DIAPH3: variants seen among roughly 807,000 people sequenced by gnomAD.
The protein encoded by DIAPH3 is protein diaphanous homolog 3.
A neutral mutation model predicts 144.3 loss-of-function variants in DIAPH3; 117 were observed. That is an observed-to-expected ratio of 0.81 (90% CI 0.70 to 0.95). The LOEUF (loss-of-function observed/expected upper bound fraction) is 0.95, where lower values mean the gene tolerates loss of function less well. DIAPH3 is among the 40% of genes least tolerant of loss of function. DIAPH3 has a pLI of 0.00. For synonymous variants in DIAPH3, 519 were observed against 488.9 expected, an observed-to-expected ratio of 1.06 and a Z score of -0.81; for missense variants, 1,421 against 1,412.7, an observed-to-expected ratio of 1.01 and a Z score of -0.09.
chr13:59,800,232 C>T (rs1436237698), intron 25 of DIAPH3, among the ~76,000 whole-genome samples: 4 of 152,198 alleles, frequency 2.6e-5, no homozygotes, highest in Non-Finnish European at 5.9e-5. Context: ...TCCTCAGTTT[C>T]TAAGAATGGT....
chr13:60,025,004 C>T (rs1284171418), intron 5 of DIAPH3, among the ~76,000 whole-genome samples: 1 of 152,004 alleles, frequency 6.6e-6, no homozygotes, highest in Non-Finnish European at 1.5e-5. Flanking sequence ...GGACATAATG[C>T]CAGTGGGGAG....
intron 27 of DIAPH3, among the ~76,000 whole-genome samples, chr13:59,732,625 T>C (rs1404490877): frequency 6.6e-6 from 1 of 151,852 alleles, no homozygotes; most frequent in African/African-American, 2.4e-5. Context: ...GTATTTTTAG[T>C]AGATACAGGG....
At chr13:59,979,747 A>G (rs1335397655) in intron 14 of DIAPH3, among the ~76,000 whole-genome samples, 1 of 151,694 alleles carries the variant, frequency 6.6e-6, no homozygotes, top group Non-Finnish European at 1.5e-5. Flanking sequence ...AGTATCTGCT[A>G]CATCAAAAAC....
At chr13:60,105,103 A>AAAAAAAAAC (rs1378367010) in intron 3 of DIAPH3, among the ~76,000 whole-genome samples, 25,904 of 97,092 alleles carry the variant, frequency 0.27, 5,243 homozygotes, top group Admixed American at 0.34. Flanking sequence ...CGATCTCAAA[A>AAAAAAAAAC]AAAAAAAAAA....
rs987638079 is a variant in DIAPH3 at position 59,839,252 on chromosome 13, C to T, written c.2862+72G>A. The stretch of plus-strand genomic sequence containing the variant: ...AGAATGATCTCTGGTTACACAAAGA[C>T]ATCTAAAATATTAAATAAATTGTAT... On this transcript the variant is annotated intron_variant, in intron 23 of 27. Coordinates refer to ENST00000400324, the MANE Select transcript of DIAPH3 (RefSeq NM_001042517.2). The T allele has an allele frequency of 2.5e-6, 4 of 1,576,860 alleles. No individual in the cohort carries two copies. The African/African-American group carries it at 5.4e-5, about 21-fold the overall frequency.
At chr13:59,861,296 G>T in intron 22 of DIAPH3, 111 bp downstream of exon 22, 1 of 1,581,386 alleles carries the variant, frequency 6.3e-7, no homozygotes, top group Non-Finnish European at 8.6e-7. Context: ...GAGATATTGG[G>T]TATGAAAACA....
At chr13:59,796,760 TAAG>T (rs923858185) in intron 25 of DIAPH3, among the ~76,000 whole-genome samples, 1 of 152,192 alleles carries the variant, frequency 6.6e-6, no homozygotes, top group Admixed American at 6.5e-5. Context: ...CCATACTGTA[TAAG>T]AAGAGAGTCA....
At chr13:59,944,882 A>G (rs75678562) in intron 17 of DIAPH3, among the ~76,000 whole-genome samples, 5,554 of 152,118 alleles carry the variant, frequency 0.037, 132 homozygotes, top group East Asian at 0.075. Flanking sequence ...TGCCCTTAGT[A>G]ATCAATCTTT....
intron 17 of DIAPH3, among the ~76,000 whole-genome samples, chr13:59,943,327 T>C (rs1167776967): frequency 6.6e-6 from 1 of 152,188 alleles, no homozygotes; most frequent in Non-Finnish European, 1.5e-5. Context: ...TAGTGGTAGA[T>C]TCAAGACAAG....
chr13:60,091,651 A>T (rs967051522), intron 4 of DIAPH3, among the ~76,000 whole-genome samples: 2 of 152,150 alleles, frequency 1.3e-5, no homozygotes, highest in African/African-American at 4.8e-5. Context: ...ACAAATAGTA[A>T]ATCTGTATTT....
At chr13:59,850,634 G>A (rs552374619) in intron 22 of DIAPH3, among the ~76,000 whole-genome samples, 42 of 151,628 alleles carry the variant, frequency 2.8e-4, no homozygotes, top group South Asian at 1.0e-3. Context: ...ATTGATTTGC[G>A]TATATTGAAC....
chr13:60,083,091 C>A (rs575331072), intron 4 of DIAPH3, among the ~76,000 whole-genome samples: 129 of 152,022 alleles, frequency 8.5e-4, no homozygotes, highest in African/African-American at 2.9e-3. Context: ...CCAGGTCTAG[C>A]GGGCTAAATA....
chr13:59,680,680 T>C (rs927710469), intron 27 of DIAPH3, among the ~76,000 whole-genome samples: 4 of 152,110 alleles, frequency 2.6e-5, no homozygotes, highest in African/African-American at 9.7e-5. Flanking sequence ...TATAGTTCCC[T>C]GAATAACTTT....
intron 1 of DIAPH3, among the ~76,000 whole-genome samples, chr13:60,134,073 C>T (rs997568649): frequency 2.6e-5 from 4 of 152,178 alleles, no homozygotes; most frequent in Admixed American, 1.3e-4. Context: ...AAATCACCAT[C>T]CCAGATTCTC....
intron 25 of DIAPH3, among the ~76,000 whole-genome samples, chr13:59,793,965 T>C (rs73543205): frequency 0.031 from 4,711 of 152,292 alleles, 246 homozygotes; most frequent in African/African-American, 0.11. Flanking sequence ...TACAATTTTT[T>C]GACTTTACAA....
Position 59,971,160 on chromosome 13 carries a change from A to C in DIAPH3, c.1651T>G (p.Phe551Val). 1 of 1,566,968 alleles carries C rather than the reference A, an allele frequency of 6.4e-7. No individual in the cohort carries two copies. ...TTACAATCAGCTGGCAAGGCACCAA[A>C]CTGGAGAAAAAAACAATAAGAGACA... Reference protein sequence around the residue: ...QAELQAFKSQFGALPADCNIP... With the variant: ...QAELQAFKSQVGALPADCNIP... The change falls in exon 16 of 28, where the codon TTT becomes GTT. Residue 551 changes from phenylalanine (F) to valine (V), a missense_variant and splice_region_variant. By Grantham distance (50) the Phe-to-Val change is conservative. Transcript: ENST00000400324.
chr13:59,835,660 A>G (rs1387396151), intron 23 of DIAPH3, among the ~76,000 whole-genome samples: 1 of 151,852 alleles, frequency 6.6e-6, no homozygotes, highest in African/African-American at 2.4e-5. Context: ...AGGAGAAGAA[A>G]GTGAGAAGAC....
intron 27 of DIAPH3, among the ~76,000 whole-genome samples, chr13:59,670,659 T>C (rs969105012): frequency 6.6e-6 from 1 of 150,564 alleles, no homozygotes; most frequent in Non-Finnish European, 1.5e-5. Context: ...CTCGGCTCAC[T>C]GCAAGCTCCA....
intron 24 of DIAPH3, among the ~76,000 whole-genome samples, chr13:59,814,450 T>C (rs1415622383): frequency 6.6e-6 from 1 of 152,120 alleles, no homozygotes; most frequent in African/African-American, 2.4e-5. Context: ...AAAATACCAA[T>C]AGAGAGCACA....
Sources: gnomAD v4.1 joint callset for allele counts (sites outside exome capture counted in the v4.1 genomes callset) on GRCh38, gnomAD v4.1.1 for gene constraint, MANE v1.5 for transcripts, NCBI Gene and HGNC (gene_info 2026-07-23, HGNC 2026-07-21) for gene names.